DSC3: variants seen among roughly 807,000 people sequenced by gnomAD.
The protein encoded by DSC3 is desmocollin 3, also known as desmocollin-3.
In DSC3, 97 loss-of-function variants were observed where a neutral mutation model predicts 89.5. That is an observed-to-expected ratio of 1.08 (90% CI 0.92 to 1.28). The LOEUF (loss-of-function observed/expected upper bound fraction) is 1.28. DSC3 is among the 50% of genes most tolerant of loss of function. The pLI is 0.00. For missense variants in DSC3, 1,199 were observed against 1,085.3 expected (o/e 1.10, Z -1.47); for synonymous variants, 436 against 384.1 (o/e 1.14, Z -1.58).
chr18:31,030,913 T>C, intron 3 of DSC3, 60 bp downstream of exon 3: 2 of 1,478,256 alleles, frequency 1.4e-6, no homozygotes, highest in South Asian at 1.2e-5. Flanking sequence ...CTCTTTGCAA[T>C]TTTTAATAAG....
intron 12 of DSC3, among the ~76,000 whole-genome samples, chr18:31,006,686 T>C (rs1246136696): frequency 6.6e-6 from 1 of 152,196 alleles, no homozygotes; most frequent in Admixed American, 6.5e-5. Flanking sequence ...AAGCTTTCCT[T>C]TGTTGTAAAT....
intron 1 of DSC3, among the ~76,000 whole-genome samples, chr18:31,037,968 T>C (rs941285371): frequency 2.0e-5 from 3 of 152,174 alleles, no homozygotes; most frequent in Non-Finnish European, 4.4e-5. Flanking sequence ...TGAAATGAAA[T>C]GTTTCCACTT....
At chr18:31,036,497 C>A (rs1985972640) in intron 1 of DSC3, among the ~76,000 whole-genome samples, 1 of 151,848 alleles carries the variant, frequency 6.6e-6, no homozygotes, top group Non-Finnish European at 1.5e-5. Flanking sequence ...TTTCATTTGA[C>A]ACATCTTTAT....
At chr18:30,997,124 G>C (rs962651653) in intron 14 of DSC3, 76 bp from the exon 15 acceptor site, 1 of 1,545,716 alleles carries the variant, frequency 6.5e-7, no homozygotes, top group Non-Finnish European at 8.9e-7. Flanking sequence ...AAAGGAGAGA[G>C]AATATTTGTT....
At chr18:31,038,406 C>G (rs570808496) in intron 1 of DSC3, among the ~76,000 whole-genome samples, 44 of 152,208 alleles carry the variant, frequency 2.9e-4, no homozygotes, top group Non-Finnish European at 5.0e-4. Flanking sequence ...ATTTTGTATA[C>G]CTCCTCAAGT....
Position 31,007,140 on chromosome 18 carries a change from A to G in DSC3, c.1664-9T>C. The G allele has an allele frequency of 6.3e-7, 1 of 1,596,102 alleles. No individual in the cohort carries two copies. The highest frequency in any genetic ancestry group is 8.6e-7 in the Non-Finnish European group (1 of 1,164,040). On this transcript the variant is annotated splice_polypyrimidine_tract_variant and intron_variant, in intron 11 of 15. Transcript: ENST00000360428. ...AGTACATGATCTATCATCTAAGGAG[A>G]CAGGAATAAGGTTTAGTGTTATTTT...
At chr18:31,012,391 A>G (rs1985099818) in intron 9 of DSC3, among the ~76,000 whole-genome samples, 1 of 152,252 alleles carries the variant, frequency 6.6e-6, no homozygotes, top group Non-Finnish European at 1.5e-5. Context: ...AGAAGCAAGG[A>G]TACCAAGCCA....
Position 31,001,660 on chromosome 18 carries a change from G to A in DSC3, c.2193C>T (p.Asn731=), listed in dbSNP as rs202033716. The change falls in exon 14 of 16, where the codon AAC becomes AAT. Residue 731 remains asparagine (N), a synonymous_variant. Transcript: ENST00000360428. ...KRFPEDLAQQ[N]LIISNTEAPG... is the part of the protein sequence containing the mutation. The stretch of plus-strand genomic sequence containing the variant: ...GTGCTTCTGTGTTTGATATAATTAA[G>A]TTTTGCTGTGCTAAATCTTCAGGAA... 358 of 1,611,272 alleles carry A rather than the reference G, an allele frequency of 2.2e-4. No homozygotes were observed. The highest frequency in any genetic ancestry group is 2.9e-4 in the Non-Finnish European group (343 of 1,178,566).
At chr18:31,036,797 C>T (rs868104491) in intron 1 of DSC3, among the ~76,000 whole-genome samples, 1,151 of 72,534 alleles carry the variant, frequency 0.016, 43 homozygotes, top group African/African-American at 0.057. Flanking sequence ...TTTCTTTCTT[C>T]CTTTTTTTTT....
intron 14 of DSC3, among the ~76,000 whole-genome samples, chr18:30,999,572 A>G (rs1038878149): frequency 4.6e-5 from 7 of 152,188 alleles, no homozygotes; most frequent in African/African-American, 1.7e-4. Flanking sequence ...ACTAAAAGCA[A>G]TGCTGAGCCT....
intron 15 of DSC3, among the ~76,000 whole-genome samples, chr18:30,996,004 A>AAAAAAAAAAAAAAAAAG (rs1380162048): frequency 2.8e-5 from 4 of 143,656 alleles, no homozygotes; most frequent in African/African-American, 1.1e-4. Context: ...AAAAAAGAAA[A>AAAAAAAAAAAAAAAAAG]GAAAGAAAAA....
chr18:31,042,624 C>T lies in DSC3; in HGVS notation c.37G>A (p.Ala13Thr). The T allele has an allele frequency of 6.5e-7, 1 of 1,550,204 alleles. No homozygotes were observed. The highest frequency in any genetic ancestry group is 8.7e-7 in the Non-Finnish European group (1 of 1,146,760). ...GTCAGCAGCAGATGCAGGCAGACGG[C>T]TCCGCGCACGGAGCGCCGGGGCCCA... ...AAGPRRSVRG[A>T]VCLHLLLTLV... The change falls in exon 1 of 16, where the codon GCC (alanine) becomes ACC (threonine). Residue 13 changes from alanine (A) to threonine (T), a missense_variant. Coordinates refer to ENST00000360428, the MANE Select transcript of DSC3 (RefSeq NM_001941.5).
At chr18:31,040,845 C>T (rs1986106779) in intron 1 of DSC3, among the ~76,000 whole-genome samples, 2 of 152,084 alleles carry the variant, frequency 1.3e-5, no homozygotes, top group Admixed American at 6.5e-5. Context: ...GAAATACATA[C>T]ATGAGATGGT....
chr18:31,033,189 G>T (rs982081347), intron 1 of DSC3, among the ~76,000 whole-genome samples: 1 of 151,946 alleles, frequency 6.6e-6, no homozygotes, highest in African/African-American at 2.4e-5. Flanking sequence ...TAGAGAGATA[G>T]CCCATCTTCA....
At chr18:31,041,023 G>T (rs141839649) in intron 1 of DSC3, among the ~76,000 whole-genome samples, 1 of 151,864 alleles carries the variant, frequency 6.6e-6, no homozygotes, top group Non-Finnish European at 1.5e-5. Context: ...AATCTTAAAC[G>T]AGTATGTGCT....
chr18:31,027,141 G>A (rs1985624417), intron 4 of DSC3, among the ~76,000 whole-genome samples: 1 of 152,094 alleles, frequency 6.6e-6, no homozygotes, highest in African/African-American at 2.4e-5. Context: ...AGGCTAAATT[G>A]AAGCTCAATA....
At chr18:31,017,988 G>T in intron 9 of DSC3, 83 bp downstream of exon 9, 1 of 1,182,580 alleles carries the variant, frequency 8.5e-7, no homozygotes, top group Non-Finnish European at 1.2e-6. Context: ...TAGAGTCTAT[G>T]GTCTGAAACT....
Position 31,018,558 on chromosome 18 carries a change from G to A in DSC3, c.1077+108C>T, listed in dbSNP as rs922419874. The A allele has an allele frequency of 5.7e-5, 69 of 1,210,438 alleles. No individual in the cohort carries two copies. The Admixed American group carries it at 7.1e-4, about 12-fold the overall frequency. The allele number at this position is 1,210,438 out of a possible 1,614,324, so 75.0% of individuals were successfully genotyped here. A position where few individuals can be genotyped will look rare whatever the true frequency, so the allele number is the denominator to read the frequency against. ...AACTTTAATTTTATTCATAAAATAC[G>A]TATACGTCAAAGTATGATACTTCAT... On this transcript the variant is annotated intron_variant, in intron 8 of 15. Transcript: ENST00000360428.
chr18:31,041,212 T>C (rs1393111193), intron 1 of DSC3, among the ~76,000 whole-genome samples: 2 of 151,992 alleles, frequency 1.3e-5, no homozygotes, highest in Non-Finnish European at 2.9e-5. Flanking sequence ...CCATCCTCAA[T>C]CCCTTCGCAA....
Sources: gnomAD v4.1 joint callset for allele counts (sites outside exome capture counted in the v4.1 genomes callset) on GRCh38, gnomAD v4.1.1 for gene constraint, MANE v1.5 for transcripts, NCBI Gene and HGNC (gene_info 2026-07-23, HGNC 2026-07-21) for gene names.